PIAS1: variants seen among roughly 807,000 people sequenced by gnomAD.
The protein encoded by PIAS1 is protein inhibitor of activated STAT 1.
Under a neutral mutation model 71.3 loss-of-function variants are expected in PIAS1, and 6 were observed. That is an observed-to-expected ratio of 0.08 (90% CI 0.05 to 0.17). PIAS1 has a LOEUF of 0.17. Ranked by LOEUF, PIAS1 falls within the 10% of genes least tolerant of loss-of-function variation. The pLI is 1.00. For synonymous variants in PIAS1, 303 were observed against 292.9 expected (o/e 1.03, Z -0.35); for missense variants, 555 against 793.6 (o/e 0.70, Z 3.61).
At position 68,111,213 on chromosome 15, in the gene PIAS1, A is replaced by G. The variant is rs544546292; in HGVS notation, c.469+24463A>G. 5.3e-5 allele frequency among the ~76,000 whole-genome samples: 8 copies of G among 152,278 alleles called. No homozygotes were observed. In the South Asian group the frequency reaches 1.7e-3, roughly 32 times the overall value. ...CCAGTAGATGGGCTATCCCTGGGAA[A>G]ATTATGCTCCCTGATCCTGTCAGCA... On this transcript the variant is annotated intron_variant, in intron 2 of 13. Coordinates refer to ENST00000249636, the MANE Select transcript of PIAS1 (RefSeq NM_016166.3).
intron 2 of PIAS1, among the ~76,000 whole-genome samples, chr15:68,123,983 T>TACACACACAC (rs10624056): frequency 2.6e-5 from 4 of 151,078 alleles, no homozygotes; most frequent in Non-Finnish European, 4.4e-5. Context: ...TGTGTGAATA[T>TACACACACAC]ACACACACAC....
At chr15:68,153,854 A>G (rs2092867309) in intron 7 of PIAS1, 159 bp downstream of exon 7, 1 of 464,032 alleles carries the variant, frequency 2.2e-6, no homozygotes, top group Non-Finnish European at 3.8e-6. Context: ...TATATTTTAT[A>G]ATCTATATTT....
chr15:68,077,742 A>G (rs2092184024), intron 1 of PIAS1, among the ~76,000 whole-genome samples: 2 of 152,218 alleles, frequency 1.3e-5, no homozygotes, highest in Admixed American at 1.3e-4. Flanking sequence ...ATTACCATGT[A>G]GCATTGTGTG....
chr15:68,161,258 T>C (rs2092922274), intron 7 of PIAS1, among the ~76,000 whole-genome samples: 1 of 152,224 alleles, frequency 6.6e-6, no homozygotes, highest in Non-Finnish European at 1.5e-5. Flanking sequence ...GCAAGATTTG[T>C]ATGCCGAAAA....
chr15:68,061,476 T>C (rs2091958531), intron 1 of PIAS1: 1 of 152,210 alleles, frequency 6.6e-6, no homozygotes, highest in Non-Finnish European at 1.5e-5. Context: ...AGCTATGAAC[T>C]TCTAAAATTC....
chr15:68,109,365 C>G (rs766574668), intron 2 of PIAS1, among the ~76,000 whole-genome samples: 1 of 152,280 alleles, frequency 6.6e-6, no homozygotes, highest in South Asian at 2.1e-4. Flanking sequence ...TATTTTCTTT[C>G]TCTTCTCATT....
rs761991368 is a variant in PIAS1, at chr15:68,142,004, A to G, written c.528A>G (p.Gln176=). Residue 176 remains glutamine, a synonymous_variant, in exon 3 of 14, where the codon CAA becomes CAG. Transcript: ENST00000249636. ...GTTTTGCATTTGCCTTGACACCACA[A>G]CAAGTGCAGCAAATCAGTAGTTCCA... ...ETCFAFALTP[Q]QVQQISSSMD... 1.9e-6 allele frequency: 3 copies of G among 1,604,252 alleles called. No individual in the cohort carries two copies. The highest frequency in any genetic ancestry group is 2.2e-5 in the East Asian group (1 of 44,646).
intron 8 of PIAS1, among the ~76,000 whole-genome samples, chr15:68,172,061 C>T (rs1412762394): frequency 6.6e-6 from 1 of 152,004 alleles, no homozygotes; most frequent in East Asian, 1.9e-4. Context: ...TATCCCTCCC[C>T]CAGCCCCCCA....
intron 7 of PIAS1, among the ~76,000 whole-genome samples, chr15:68,160,686 A>G (rs996370278): frequency 6.6e-6 from 1 of 152,222 alleles, no homozygotes; most frequent in Non-Finnish European, 1.5e-5. Flanking sequence ...CACCTTCTCA[A>G]CAAACTAAAA....
chr15:68,092,567 C>T (rs1318028382), intron 2 of PIAS1, among the ~76,000 whole-genome samples: 1 of 152,154 alleles, frequency 6.6e-6, no homozygotes, highest in African/African-American at 2.4e-5. Flanking sequence ...GAATGTGTCC[C>T]TCACAAATTC....
rs534420554 is a variant in PIAS1 at position 68,054,657 on chromosome 15, C to T, written c.24+307C>T. The T allele has an allele frequency of 4.3e-4, 126 of 290,444 alleles. No individual in the cohort carries two copies. The highest frequency in any genetic ancestry group is 2.6e-3 in the African/African-American group (120 of 45,652). The allele number at this position is 290,444 out of a possible 1,614,324, so 18.0% of individuals were successfully genotyped here. A position where few individuals can be genotyped will look rare whatever the true frequency, so the allele number is the denominator to read the frequency against. ...AGGGGCTGCAGCTGTCTCATGGGCT[C>T]GGCTTTTTCACCTTCCAGTTAGCCT... On this transcript the variant is annotated intron_variant, in intron 1 of 13. Coordinates refer to ENST00000249636, the MANE Select transcript of PIAS1 (RefSeq NM_016166.3). The surrounding 1 kb of genome is among the most constrained non-coding windows in gnomAD (Gnocchi z 4.6).
intron 2 of PIAS1, among the ~76,000 whole-genome samples, chr15:68,138,815 G>A (rs950572112): frequency 3.3e-5 from 5 of 152,288 alleles, no homozygotes; most frequent in East Asian, 1.9e-4. Flanking sequence ...CCTGGGGTAC[G>A]TCTGGAGGAG....
chr15:68,142,738 A>G (rs927874577), intron 4 of PIAS1, among the ~76,000 whole-genome samples: 3 of 151,720 alleles, frequency 2.0e-5, no homozygotes, highest in Non-Finnish European at 4.4e-5. Context: ...ATCTTACAAT[A>G]TCATATCAAG....
At chr15:68,165,349 G>C (rs2092950992) in intron 8 of PIAS1, among the ~76,000 whole-genome samples, 1 of 152,124 alleles carries the variant, frequency 6.6e-6, no homozygotes, top group Admixed American at 6.5e-5. Flanking sequence ...TCGAACTCCT[G>C]ACCTCAGGTG....
intron 1 of PIAS1, among the ~76,000 whole-genome samples, chr15:68,082,633 A>G (rs1406686092): frequency 6.6e-6 from 1 of 152,132 alleles, no homozygotes; most frequent in Non-Finnish European, 1.5e-5. Flanking sequence ...TAATGTAAGT[A>G]CTGACAATTG....
rs532383385 is a variant in PIAS1 at position 68,171,420 on chromosome 15, G to A, written c.1009-2312G>A. 1.5e-3 allele frequency among the ~76,000 whole-genome samples: 228 copies of A among 152,266 alleles called. 4 individuals are homozygous for A. Among genetic ancestry groups the A allele is most frequent in the African/African-American group, 5.2e-3 (217 of 41,542 alleles). On this transcript the variant is annotated intron_variant, in intron 8 of 13. Coordinates refer to ENST00000249636, the MANE Select transcript of PIAS1 (RefSeq NM_016166.3). This position sits in a 1 kb window ranked among gnomAD's most constrained non-coding sequence, Gnocchi z 4.4. ...AGTAAATACAGAAACCAGTAACATG[G>A]CTGTCTTAATTTGAAGACCTCTATC... is the stretch of plus-strand genomic sequence containing the variant.
intron 2 of PIAS1, among the ~76,000 whole-genome samples, chr15:68,098,088 T>C (rs2092391564): frequency 6.6e-6 from 1 of 152,218 alleles, no homozygotes; most frequent in African/African-American, 2.4e-5. Flanking sequence ...GGAATTATTG[T>C]ATAGTTGACC....
chr15:68,060,928 C>T (rs908638741), intron 1 of PIAS1, among the ~76,000 whole-genome samples: 3 of 152,218 alleles, frequency 2.0e-5, no homozygotes, highest in Admixed American at 6.5e-5. Flanking sequence ...GTAATCTGCC[C>T]GCCTTGGCCT....
chr15:68,094,389 T>A (rs1470472269), intron 2 of PIAS1, among the ~76,000 whole-genome samples: 1 of 151,794 alleles, frequency 6.6e-6, no homozygotes, highest in Non-Finnish European at 1.5e-5. Context: ...TATATATATT[T>A]ATATAAACTT....
Sources: allele counts gnomAD v4.1 joint callset (sites outside exome capture counted in the v4.1 genomes callset), GRCh38; gene constraint gnomAD v4.1.1; non-coding constraint Gnocchi (gnomAD v3.1); transcripts MANE v1.5; gene names NCBI Gene and HGNC (gene_info 2026-07-23, HGNC 2026-07-21).